MYRIP: variants seen among roughly 807,000 people sequenced by gnomAD.
The protein encoded by MYRIP is rab effector MyRIP.
In MYRIP, 49 loss-of-function variants were observed where a neutral mutation model predicts 98.0. The observed-to-expected ratio is 0.50, with a 90% CI of 0.40 to 0.63. The LOEUF (loss-of-function observed/expected upper bound fraction) is 0.63. Ranked by LOEUF, MYRIP falls within the 30% of genes least tolerant of loss-of-function variation. The probability of loss-of-function intolerance (pLI) is 0.00; values close to 1 mark genes in which losing one functional copy is unlikely to be tolerated. For synonymous variants in MYRIP, 404 were observed against 409.5 expected (o/e 0.99, Z 0.16); for missense variants, 1,004 against 1,058.2 (o/e 0.95, Z 0.71).
chr3:40,185,434 A>C (rs1951005750), intron 9 of MYRIP, among the ~76,000 whole-genome samples: 1 of 152,154 alleles, frequency 6.6e-6, no homozygotes, highest in Non-Finnish European at 1.5e-5. Context: ...CTGCACAATA[A>C]TGGAAGAGCA....
chr3:39,872,331 T>C (rs1942821125), intron 1 of MYRIP, among the ~76,000 whole-genome samples: 1 of 150,970 alleles, frequency 6.6e-6, no homozygotes, highest in Non-Finnish European at 1.5e-5. Context: ...AATGTAAATA[T>C]TTCTTTATTA....
chr3:40,256,062 C>T (rs1357905521), intron 16 of MYRIP, among the ~76,000 whole-genome samples: 5 of 152,166 alleles, frequency 3.3e-5, no homozygotes, highest in African/African-American at 7.2e-5. Flanking sequence ...CCACTAGCCA[C>T]GTGTGGCTAC....
At chr3:40,208,086 A>T (rs1260031015) in intron 10 of MYRIP, among the ~76,000 whole-genome samples, 1 of 152,168 alleles carries the variant, frequency 6.6e-6, no homozygotes, top group African/African-American at 2.4e-5. Flanking sequence ...CTTTAGCATA[A>T]TTGGGAATAA....
At chr3:40,189,301 C>A (rs933795934) in intron 9 of MYRIP, among the ~76,000 whole-genome samples, 1 of 152,290 alleles carries the variant, frequency 6.6e-6, no homozygotes, top group African/African-American at 2.4e-5. Flanking sequence ...TAAAAATAGA[C>A]CTATGTGCCT....
At chr3:40,218,621 TATATA>T (rs1952214459) in intron 11 of MYRIP, among the ~76,000 whole-genome samples, 23 of 81,516 alleles carry the variant, frequency 2.8e-4, no homozygotes, top group African/African-American at 3.5e-4. Flanking sequence ...TTTATATATA[TATATA>T]TATATATATA....
intron 3 of MYRIP, among the ~76,000 whole-genome samples, chr3:40,138,474 A>G (rs905563857): frequency 6.6e-6 from 1 of 152,170 alleles, no homozygotes; most frequent in African/African-American, 2.4e-5. Flanking sequence ...GATCGTATTA[A>G]ATTTTTCAGT....
At chr3:39,823,518 A>G (rs978786437) in intron 1 of MYRIP, among the ~76,000 whole-genome samples, 9 of 151,998 alleles carry the variant, frequency 5.9e-5, no homozygotes, top group African/African-American at 2.2e-4. Flanking sequence ...AGCATTTGTT[A>G]TTTTTTGTCT....
At chr3:39,877,756 G>A (rs1475153468) in intron 1 of MYRIP, among the ~76,000 whole-genome samples, 3 of 151,968 alleles carry the variant, frequency 2.0e-5, no homozygotes, top group African/African-American at 7.2e-5. Flanking sequence ...GCCCCTACTG[G>A]GGGGTACCTC....
At chr3:39,954,098 C>T (rs1945095550) in intron 2 of MYRIP, among the ~76,000 whole-genome samples, 1 of 152,168 alleles carries the variant, frequency 6.6e-6, no homozygotes, top group Admixed American at 6.5e-5. Flanking sequence ...CATAGCTAAA[C>T]AAAAGGCAGC....
chr3:39,888,684 C>A (rs1236925192), intron 1 of MYRIP, among the ~76,000 whole-genome samples: 1 of 152,124 alleles, frequency 6.6e-6, no homozygotes, highest in African/African-American at 2.4e-5. Flanking sequence ...CAAATGGGAT[C>A]TAATTAAACT....
chr3:40,169,825 TG>T, intron 7 of MYRIP, 124 bp from the exon 8 acceptor site: 1 of 1,072,678 alleles, frequency 9.3e-7, no homozygotes, highest in Non-Finnish European at 1.4e-6. Context: ...TGAAACAGCC[TG>T]GTGTTCTGTT....
intron 3 of MYRIP, among the ~76,000 whole-genome samples, chr3:40,072,016 C>G (rs1948242140): frequency 6.6e-6 from 1 of 152,022 alleles, no homozygotes; most frequent in African/African-American, 2.4e-5. Context: ...GCATGCCATT[C>G]AAAGTCTGTG....
chr3:40,006,577 T>C (rs1559558091), intron 2 of MYRIP, among the ~76,000 whole-genome samples: 4 of 152,080 alleles, frequency 2.6e-5, no homozygotes, highest in African/African-American at 7.2e-5. Flanking sequence ...AGATGAGTGG[T>C]GGAGGGACCA....
At chr3:39,897,334 T>A (rs142553767) in intron 1 of MYRIP, among the ~76,000 whole-genome samples, 1 of 152,370 alleles carries the variant, frequency 6.6e-6, no homozygotes, top group East Asian at 1.9e-4. Flanking sequence ...GCATTTCTCA[T>A]ATTTATTTCA....
chr3:40,118,559 GTTTA>G (rs200357639), intron 3 of MYRIP, among the ~76,000 whole-genome samples: 34,808 of 146,912 alleles, frequency 0.24, 4,446 homozygotes, highest in East Asian at 0.35. Context: ...TGGGTTGAAG[GTTTA>G]TTTATTTATT....
chr3:40,184,236 A>G (rs1037295904), intron 9 of MYRIP, among the ~76,000 whole-genome samples: 7 of 152,060 alleles, frequency 4.6e-5, no homozygotes, highest in Non-Finnish European at 8.8e-5. Context: ...TGGATTGCAA[A>G]TGCACACAGA....
chr3:40,203,387 G>T (rs1346843036), intron 10 of MYRIP, among the ~76,000 whole-genome samples: 1 of 151,840 alleles, frequency 6.6e-6, no homozygotes, highest in East Asian at 1.9e-4. Flanking sequence ...TATAAATGCG[G>T]ATATAAGAAT....
intron 1 of MYRIP, among the ~76,000 whole-genome samples, chr3:39,890,165 A>C (rs1035893936): frequency 8.6e-5 from 13 of 151,200 alleles, no homozygotes; most frequent in Non-Finnish European, 1.2e-4. Context: ...CAACCTTTTA[A>C]ACTCGTTTTT....
chr3:40,227,923 A>G (rs1424088778), intron 11 of MYRIP, among the ~76,000 whole-genome samples: 2 of 152,236 alleles, frequency 1.3e-5, no homozygotes, highest in African/African-American at 2.4e-5. Context: ...GGGGTTAAGT[A>G]TTTGCCCAAA....
Sources: allele counts gnomAD v4.1 joint callset (sites outside exome capture counted in the v4.1 genomes callset), GRCh38; gene constraint gnomAD v4.1.1; transcripts MANE v1.5; gene names NCBI Gene and HGNC (gene_info 2026-07-23, HGNC 2026-07-21).